The following STARD13 variants were observed in gnomAD, a reference collection of about 807,000 sequenced individuals.
The protein encoded by STARD13 is StAR related lipid transfer domain containing 13.
In STARD13, 62 loss-of-function variants were observed where a neutral mutation model predicts 106.4. That is an observed-to-expected ratio of 0.58 (90% CI 0.48 to 0.72). STARD13 has a LOEUF of 0.72. Among genes scored for constraint, STARD13 ranks in the 30% least tolerant of loss-of-function variants. STARD13 has a pLI of 0.00. For synonymous variants in STARD13, 565 were observed against 553.0 expected, an observed-to-expected ratio of 1.02 and a Z score of -0.31; for missense variants, 1,387 against 1,424.0, an observed-to-expected ratio of 0.97 and a Z score of 0.42.
the STARD13 span, among the ~76,000 whole-genome samples, chr13:33,505,158 T>G: frequency 3.3e-5 from 5 of 152,170 alleles, no homozygotes; most frequent in African/African-American, 1.2e-4. Flanking sequence ...TTATTGAGTG[T>G]CCTCAATGTG....
chr13:33,264,648 A>C (rs1890806808), intron 1 of STARD13, among the ~76,000 whole-genome samples: 1 of 152,138 alleles, frequency 6.6e-6, no homozygotes, highest in East Asian at 1.9e-4. Context: ...GGACAAGAAC[A>C]CTAAGTGGGA....
intron 1 of STARD13, among the ~76,000 whole-genome samples, chr13:33,172,352 GA>G (rs1488248201): frequency 6.6e-6 from 1 of 152,224 alleles, no homozygotes; most frequent in Non-Finnish European, 1.5e-5. Flanking sequence ...GTAGCCAAGA[GA>G]AAAGAGTTCA....
chr13:33,297,151 C>G (rs527871477), intron 1 of STARD13, among the ~76,000 whole-genome samples: 2 of 152,350 alleles, frequency 1.3e-5, no homozygotes, highest in South Asian at 4.1e-4. Flanking sequence ...ATGCTTATCA[C>G]AGCACGCAGT....
At chr13:33,455,672 G>A in the STARD13 span, among the ~76,000 whole-genome samples, 507 of 152,136 alleles carry the variant, frequency 3.3e-3, 8 homozygotes, top group South Asian at 0.044. Context: ...GGTGGCTCAC[G>A]CCTGTAATCC....
chr13:33,221,615 C>T (rs114889936), intron 1 of STARD13, among the ~76,000 whole-genome samples: 3 of 152,290 alleles, frequency 2.0e-5, no homozygotes, highest in Admixed American at 1.3e-4. Flanking sequence ...AGCTAACTCT[C>T]GTCCCATTCC....
At chr13:33,159,817 C>T (rs756100764) in intron 3 of STARD13, among the ~76,000 whole-genome samples, 2 of 152,146 alleles carry the variant, frequency 1.3e-5, no homozygotes, top group Non-Finnish European at 2.9e-5. Context: ...AAACTACAAG[C>T]ACTCTTGAAA....
chr13:33,595,137 C>T, the STARD13 span, among the ~76,000 whole-genome samples: 1 of 152,140 alleles, frequency 6.6e-6, no homozygotes, highest in Non-Finnish European at 1.5e-5. Flanking sequence ...TTACCATTTC[C>T]ACTTCTTCAC....
At chr13:33,132,060 G>A (rs1307310834) in intron 4 of STARD13, among the ~76,000 whole-genome samples, 1 of 152,142 alleles carries the variant, frequency 6.6e-6, no homozygotes. Context: ...ATCATTGTGG[G>A]GATCCTCCTA....
intron 10 of STARD13, among the ~76,000 whole-genome samples, chr13:33,111,316 C>T (rs1420782153): frequency 6.6e-6 from 1 of 152,176 alleles, no homozygotes; most frequent in Non-Finnish European, 1.5e-5. Context: ...GCACACTTTT[C>T]CCATTGACAA....
chr13:33,588,523 G>T, the STARD13 span, among the ~76,000 whole-genome samples: 1 of 151,996 alleles, frequency 6.6e-6, no homozygotes. Context: ...AGAGATTTGG[G>T]GATTATATCT....
At chr13:33,613,655 G>C in the STARD13 span, among the ~76,000 whole-genome samples, 1 of 152,238 alleles carries the variant, frequency 6.6e-6, no homozygotes, top group East Asian at 1.9e-4. Context: ...TGGTCTGGAG[G>C]CTTGCAGGCT....
chr13:33,226,034 G>C (rs1025581906), intron 1 of STARD13, among the ~76,000 whole-genome samples: 7 of 152,204 alleles, frequency 4.6e-5, no homozygotes, highest in African/African-American at 1.7e-4. Flanking sequence ...AGACATCAGA[G>C]AGCTTGCCCT....
the STARD13 span, among the ~76,000 whole-genome samples, chr13:33,634,494 A>G: frequency 6.6e-6 from 1 of 152,192 alleles, no homozygotes; most frequent in Non-Finnish European, 1.5e-5. Context: ...CATCTAAAAG[A>G]GATTTTAGTC....
chr13:33,121,675 T>G (rs1876337008), intron 7 of STARD13, among the ~76,000 whole-genome samples: 1 of 147,094 alleles, frequency 6.8e-6, no homozygotes, highest in Non-Finnish European at 1.5e-5. Flanking sequence ...CATCCTTTTT[T>G]TTTTTTTTTT....
intron 3 of STARD13, among the ~76,000 whole-genome samples, chr13:33,157,115 C>T (rs1377658751): frequency 6.6e-6 from 1 of 151,794 alleles, no homozygotes; most frequent in South Asian, 2.1e-4. Flanking sequence ...AAGTATGGGC[C>T]TTTGTATGTG....
intron 3 of STARD13, chr13:33,164,271 A>G (rs890367595): frequency 4.6e-5 from 7 of 152,212 alleles, no homozygotes; most frequent in Admixed American, 2.6e-4. Flanking sequence ...AAAATATATT[A>G]TGTATATACG....
chr13:33,458,329 G>C, the STARD13 span, among the ~76,000 whole-genome samples: 1 of 150,680 alleles, frequency 6.6e-6, no homozygotes, highest in African/African-American at 2.4e-5. Flanking sequence ...CTGGAGTGCA[G>C]TGGCTCAATC....
the STARD13 span, among the ~76,000 whole-genome samples, chr13:33,379,029 G>A: frequency 6.6e-6 from 1 of 152,090 alleles, no homozygotes; most frequent in African/African-American, 2.4e-5. Context: ...AGGATCTCTT[G>A]AGCCTGGGAA....
chr13:33,126,050 TG>T, intron 7 of STARD13, 30 bp downstream of exon 7: 2 of 1,608,428 alleles, frequency 1.2e-6, no homozygotes, highest in Non-Finnish European at 1.7e-6. Flanking sequence ...TTGGGGGTGG[TG>T]GGGCAGCAGC....
Sources: allele counts gnomAD v4.1 joint callset (sites outside exome capture counted in the v4.1 genomes callset), GRCh38; gene constraint gnomAD v4.1.1; transcripts MANE v1.5; gene names NCBI Gene and HGNC (gene_info 2026-07-23, HGNC 2026-07-21).